The following FAM200C variants were observed in gnomAD, a reference collection of about 807,000 sequenced individuals.
At chr5:160,397,419 T>C in the FAM200C span, 1 of 152,208 alleles carries the variant, frequency 6.6e-6, no homozygotes, top group Non-Finnish European at 1.5e-5. Context: ...AAAGGCATAA[T>C]CCACAGGTAG....
the FAM200C span, among the ~76,000 whole-genome samples, chr5:160,398,274 G>A: frequency 6.6e-6 from 1 of 152,102 alleles, no homozygotes; most frequent in Non-Finnish European, 1.5e-5. Context: ...AAAAGGCTGG[G>A]TACGGTGGCT....
the FAM200C span, among the ~76,000 whole-genome samples, chr5:160,395,781 G>GT: frequency 2.6e-5 from 4 of 152,180 alleles, no homozygotes; most frequent in African/African-American, 4.8e-5. Flanking sequence ...ATGAACACCT[G>GT]TAAGTCCTTT....
chr5:160,396,155 C>A, the FAM200C span, among the ~76,000 whole-genome samples: 1 of 151,610 alleles, frequency 6.6e-6, no homozygotes, highest in African/African-American at 2.4e-5. Flanking sequence ...CACTCTTCCA[C>A]CCCACCCTTC....
chr5:160,395,063 T>C, the FAM200C span: 2 of 1,613,940 alleles, frequency 1.2e-6, no homozygotes, highest in Admixed American at 1.7e-5. Context: ...GATCACATCA[T>C]CTGATAAGGG....
At chr5:160,397,865 G>A in the FAM200C span, among the ~76,000 whole-genome samples, 1 of 152,154 alleles carries the variant, frequency 6.6e-6, no homozygotes. Flanking sequence ...TTATTTTTCT[G>A]TATTCTATTA....
chr5:160,399,410 T>A, the FAM200C span, among the ~76,000 whole-genome samples: 3 of 152,206 alleles, frequency 2.0e-5, no homozygotes, highest in Non-Finnish European at 4.4e-5. Context: ...CAATTCAACT[T>A]CTTTCTAGCC....
At chr5:160,394,929 G>C in the FAM200C span, 1 of 1,613,176 alleles carries the variant, frequency 6.2e-7, no homozygotes, top group Non-Finnish European at 8.5e-7. Flanking sequence ...AATGCCATTA[G>C]CTGACTGCAG....
chr5:160,396,326 A>G, the FAM200C span, among the ~76,000 whole-genome samples: 2 of 152,220 alleles, frequency 1.3e-5, no homozygotes, highest in African/African-American at 4.8e-5. Flanking sequence ...CAACTTAGGC[A>G]GAGAATTTCA....
the FAM200C span, chr5:160,393,610 G>T: frequency 1.1e-6 from 1 of 913,080 alleles, no homozygotes; most frequent in South Asian, 1.6e-5. Flanking sequence ...TTTAGACATA[G>T]AATTCAGTAT....
the FAM200C span, among the ~76,000 whole-genome samples, chr5:160,396,697 GGA>G: frequency 8.0e-3 from 396 of 49,258 alleles, 1 homozygote; most frequent in African/African-American, 0.022. Context: ...AAGTCTCTGT[GGA>G]AAAAAAAAAA....
At chr5:160,397,558 C>T in the FAM200C span, 4 of 152,210 alleles carry the variant, frequency 2.6e-5, no homozygotes, top group African/African-American at 7.2e-5. Context: ...TGAATGCCCA[C>T]TTTGGACATT....
the FAM200C span, chr5:160,394,765 A>G: frequency 6.2e-7 from 1 of 1,614,108 alleles, no homozygotes; most frequent in Admixed American, 1.7e-5. Flanking sequence ...AGGCACCATC[A>G]GTACAAACAG....
the FAM200C span, chr5:160,394,234 A>G: frequency 6.2e-7 from 1 of 1,612,444 alleles, no homozygotes; most frequent in Non-Finnish European, 8.5e-7. Context: ...TTCTTTTCTC[A>G]ATTCGTTTTT....
the FAM200C span, chr5:160,394,521 C>T: frequency 1.2e-6 from 2 of 1,614,038 alleles, no homozygotes; most frequent in Non-Finnish European, 1.7e-6. Flanking sequence ...AAAAGGAGGA[C>T]ACTATATTCT....
chr5:160,398,790 C>T, the FAM200C span, among the ~76,000 whole-genome samples: 3 of 152,096 alleles, frequency 2.0e-5, no homozygotes. Flanking sequence ...TGCACTTGCG[C>T]TTTTGTGGTA....
the FAM200C span, chr5:160,393,462 G>T: frequency 2.2e-6 from 1 of 462,248 alleles, no homozygotes; most frequent in Non-Finnish European, 3.8e-6. Flanking sequence ...TATACCACAC[G>T]AACAGGTTAA....
At chr5:160,395,426 A>C in the FAM200C span, 2 of 1,614,192 alleles carry the variant, frequency 1.2e-6, no homozygotes, top group Non-Finnish European at 1.7e-6. Context: ...AGTTCCATCT[A>C]CTTCCGTTGT....
chr5:160,397,674 C>G, the FAM200C span, among the ~76,000 whole-genome samples: 2 of 152,156 alleles, frequency 1.3e-5, no homozygotes, highest in South Asian at 4.1e-4. Context: ...ATAAGCTGAG[C>G]TGTTACAAGG....
the FAM200C span, among the ~76,000 whole-genome samples, chr5:160,398,016 C>T: frequency 6.6e-6 from 1 of 152,192 alleles, no homozygotes; most frequent in Non-Finnish European, 1.5e-5. Flanking sequence ...CCAAGGCGGG[C>T]AGATCACTTG....
Sources: gnomAD v4.1 joint callset for allele counts (sites outside exome capture counted in the v4.1 genomes callset) on GRCh38, gnomAD v4.1.1 for gene constraint, MANE v1.5 for transcripts.